Variants in ZMIZ1 observed in about 807,000 individuals in gnomAD.
ZMIZ1 encodes zinc finger MIZ domain-containing protein 1.
ZMIZ1 carries 17 observed loss-of-function variants against 113.9 expected under a neutral mutation model. The observed-to-expected ratio is 0.15, with a 90% CI of 0.10 to 0.22. ZMIZ1 has a LOEUF of 0.22. Ranked by LOEUF, ZMIZ1 falls within the 10% of genes least tolerant of loss-of-function variation. The pLI is 1.00. For synonymous variants in ZMIZ1, 607 were observed against 603.1 expected, an observed-to-expected ratio of 1.01 and a Z score of -0.09; for missense variants, 1,059 against 1,477.8, an observed-to-expected ratio of 0.72 and a Z score of 4.65.
chr10:79,253,199 G>A (rs547942908), intron 7 of ZMIZ1, among the ~76,000 whole-genome samples: 4 of 152,214 alleles, frequency 2.6e-5, no homozygotes, highest in Non-Finnish European at 5.9e-5. Flanking sequence ...TGCAAATGTT[G>A]CCTGGGTTTT....
intron 4 of ZMIZ1, among the ~76,000 whole-genome samples, chr10:79,174,267 C>T (rs149130488): frequency 6.6e-6 from 1 of 152,242 alleles, no homozygotes; most frequent in Non-Finnish European, 1.5e-5. Flanking sequence ...GTCGGGGACA[C>T]CGGGGACACA....
intron 4 of ZMIZ1, among the ~76,000 whole-genome samples, chr10:79,183,525 T>G (rs1847220503): frequency 6.6e-6 from 1 of 152,082 alleles, no homozygotes; most frequent in South Asian, 2.1e-4. Flanking sequence ...CCATCCAGAA[T>G]GAAGGATGCA....
chr10:79,227,015 C>T (rs771145279), intron 7 of ZMIZ1, among the ~76,000 whole-genome samples: 2 of 152,324 alleles, frequency 1.3e-5, no homozygotes, highest in Middle Eastern at 3.4e-3. Context: ...CTCATATCTA[C>T]CCCATTTTAC....
At chr10:79,126,428 CAG>C (rs1448088396) in intron 2 of ZMIZ1, among the ~76,000 whole-genome samples, 1 of 152,144 alleles carries the variant, frequency 6.6e-6, no homozygotes, top group Non-Finnish European at 1.5e-5. Context: ...CTGAAGGCCT[CAG>C]GGGTCAGGGA....
intron 4 of ZMIZ1, among the ~76,000 whole-genome samples, chr10:79,173,854 G>C (rs1331357710): frequency 6.6e-6 from 1 of 152,194 alleles, no homozygotes; most frequent in African/African-American, 2.4e-5. Context: ...ATTAGAATTT[G>C]AACGCGGCTC....
At chr10:79,195,091 A>T (rs1047307403) in intron 4 of ZMIZ1, among the ~76,000 whole-genome samples, 2 of 152,232 alleles carry the variant, frequency 1.3e-5, no homozygotes, top group African/African-American at 4.8e-5. Context: ...CAGCCTCCCC[A>T]TGGACCTGCC....
chr10:79,111,986 A>G (rs1843763914), intron 1 of ZMIZ1, among the ~76,000 whole-genome samples: 1 of 152,250 alleles, frequency 6.6e-6, no homozygotes, highest in African/African-American at 2.4e-5. Flanking sequence ...GTTGGGCTAA[A>G]AAAGTAATGG....
chr10:79,251,965 A>C (rs150909342), intron 7 of ZMIZ1, among the ~76,000 whole-genome samples: 1 of 152,286 alleles, frequency 6.6e-6, no homozygotes, highest in East Asian at 1.9e-4. Context: ...CCACTCGGGC[A>C]ATGGGTCTCC....
chr10:79,301,475 C>G (rs945243686), intron 17 of ZMIZ1, among the ~76,000 whole-genome samples: 7 of 152,114 alleles, frequency 4.6e-5, no homozygotes, highest in Non-Finnish European at 8.8e-5. Context: ...CCTCATGTCC[C>G]CTGAAGATCA....
intron 1 of ZMIZ1, among the ~76,000 whole-genome samples, chr10:79,087,730 T>G (rs577128254): frequency 2.0e-4 from 30 of 152,258 alleles, no homozygotes; most frequent in Non-Finnish European, 3.5e-4. Flanking sequence ...GAACTTTCAC[T>G]TGTGTGTGCT....
intron 4 of ZMIZ1, among the ~76,000 whole-genome samples, chr10:79,183,020 T>C (rs570960280): frequency 4.7e-4 from 71 of 152,298 alleles, no homozygotes; most frequent in Non-Finnish European, 9.3e-4. Context: ...CTCCCTGGAC[T>C]GGGTCACTAA....
chr10:79,077,324 C>T (rs1474173424), intron 1 of ZMIZ1, among the ~76,000 whole-genome samples: 1 of 152,234 alleles, frequency 6.6e-6, no homozygotes, highest in African/African-American at 2.4e-5. Flanking sequence ...GGGAAGAGTC[C>T]TGAAACCCTT....
intron 1 of ZMIZ1, among the ~76,000 whole-genome samples, chr10:79,116,190 C>G (rs1844020778): frequency 6.6e-6 from 1 of 152,108 alleles, no homozygotes; most frequent in South Asian, 2.1e-4. Flanking sequence ...GAGAATTGCC[C>G]TGTTGGGTGC....
rs754733791 is a variant in ZMIZ1 at position 79,233,742 on chromosome 10, GCTC to G, written c.280+17472_280+17474del. ...TTTCAAATTCATCAGCAGGGGCCTG[GCTC>G]CTCATCCTCTGGAAAAGCCCAAAGA... On this transcript the variant is annotated intron_variant, in intron 7 of 24. Coordinates refer to ENST00000334512, the MANE Select transcript of ZMIZ1 (RefSeq NM_020338.4). 1.4e-4 allele frequency among the ~76,000 whole-genome samples: 18 copies of G among 131,070 alleles called. No individual in the cohort carries two copies. The East Asian group carries it at 3.1e-3, about 22-fold the overall frequency. 86.0% of individuals were successfully genotyped at this position (131,070 alleles called of 152,430 possible). A position where few individuals can be genotyped will look rare whatever the true frequency, so the allele number is the denominator to read the frequency against.
chr10:79,282,542 G>A (rs1281801380), intron 8 of ZMIZ1, among the ~76,000 whole-genome samples: 1 of 152,214 alleles, frequency 6.6e-6, no homozygotes, highest in Non-Finnish European at 1.5e-5. Flanking sequence ...TCACAATCAT[G>A]TCTGCTGCAG....
At chr10:79,126,580 T>G (rs10762850) in intron 2 of ZMIZ1, among the ~76,000 whole-genome samples, 30,880 of 152,154 alleles carry the variant, frequency 0.2, 3,628 homozygotes, top group East Asian at 0.43. Flanking sequence ...ATGGGGGCTT[T>G]GTGGAGGCTA....
In ZMIZ1 at chr10:79,069,352, G is replaced by A. The variant is rs1220448007; in HGVS notation, c.-337+82G>A. ...CGGGGACTCTCGGGGTGCAAGCGTG[G>A]GGATTGGGTGCTGGGGTTTTTCCCT... On this transcript the variant is annotated intron_variant, in intron 1 of 24. Transcript: ENST00000334512. The surrounding 1 kb of genome is among the most constrained non-coding windows in gnomAD (Gnocchi z 4.6). 3 of 150,534 alleles carry A rather than the reference G, an allele frequency of 2.0e-5. No individual in the cohort carries two copies. In the East Asian group the frequency reaches 5.8e-4, roughly 29 times the overall value. 9.3% of individuals were successfully genotyped at this position (150,534 alleles called of 1,614,324 possible).
intron 4 of ZMIZ1, among the ~76,000 whole-genome samples, chr10:79,196,307 T>G (rs1847830717): frequency 6.6e-6 from 1 of 152,178 alleles, no homozygotes; most frequent in African/African-American, 2.4e-5. Flanking sequence ...TCACAGGTGT[T>G]GCAAGCCCAG....
chr10:79,236,050 A>G (rs1462533454), intron 7 of ZMIZ1, among the ~76,000 whole-genome samples: 1 of 152,196 alleles, frequency 6.6e-6, no homozygotes, highest in African/African-American at 2.4e-5. Flanking sequence ...CTTGATTGCA[A>G]ATGGATAAGT....
Sources: gnomAD v4.1 joint callset for allele counts (sites outside exome capture counted in the v4.1 genomes callset) on GRCh38, gnomAD v4.1.1 for gene constraint, Gnocchi (gnomAD v3.1) non-coding constraint, MANE v1.5 for transcripts, NCBI Gene and HGNC (gene_info 2026-07-23, HGNC 2026-07-21) for gene names.